The following UBR1 variants were observed in gnomAD, a reference collection of about 807,000 sequenced individuals.
UBR1 encodes the protein E3 ubiquitin-protein ligase UBR1.
A neutral mutation model predicts 242.1 loss-of-function variants in UBR1; 102 were observed. The ratio of observed to expected loss-of-function variants is 0.42; its 90% CI spans 0.36 to 0.50. The LOEUF is 0.50. Ranked by LOEUF, UBR1 falls within the 20% of genes least tolerant of loss-of-function variation. UBR1 has a pLI of 0.01. For missense variants in UBR1, 1,772 were observed against 2,101.8 expected (o/e 0.84, Z 3.07); for synonymous variants, 675 against 684.8 (o/e 0.99, Z 0.22).
At chr15:42,946,433 G>A (rs1387306462) in intron 46 of UBR1, among the ~76,000 whole-genome samples, 1 of 152,070 alleles carries the variant, frequency 6.6e-6, no homozygotes, top group Non-Finnish European at 1.5e-5. Context: ...CCTGGTTGGG[G>A]ATTTTTAAAC....
Position 43,043,158 on chromosome 15 carries a change from T to C in UBR1, c.1849+57A>G, listed in dbSNP as rs1320205436. On this transcript the variant is annotated intron_variant, in intron 15 of 46. Coordinates refer to ENST00000290650, the MANE Select transcript of UBR1 (RefSeq NM_174916.3). The stretch of plus-strand genomic sequence containing the variant: ...CAAAAATAGAAATGATTCTACTAAA[T>C]GAATACCTAGAAAGAAAGCTAATAG... The C allele has an allele frequency of 1.5e-5, 23 of 1,581,906 alleles. No individual in the cohort carries two copies. In the Middle Eastern group the frequency reaches 5.0e-4, roughly 34 times the overall value.
chr15:43,076,713 AC>A (rs1213501668), intron 3 of UBR1, among the ~76,000 whole-genome samples: 1 of 137,706 alleles, frequency 7.3e-6, no homozygotes, highest in African/African-American at 2.8e-5. Context: ...TCCGGCAGCC[AC>A]CCCGTCTGGG....
chr15:43,102,637 C>T (rs1413381434), intron 1 of UBR1, among the ~76,000 whole-genome samples: 5 of 152,158 alleles, frequency 3.3e-5, no homozygotes, highest in Non-Finnish European at 7.3e-5. Context: ...TCTCTTGATT[C>T]CCAATTTTTC....
At chr15:43,043,459 T>C in intron 14 of UBR1, 64 bp from the exon 15 acceptor site, 1 of 1,515,804 alleles carries the variant, frequency 6.6e-7, no homozygotes, top group South Asian at 1.1e-5. Context: ...TTTTGTTTTG[T>C]TTTGAGACAG....
rs550840335 is a variant in UBR1, at chr15:43,007,976, C to A, written c.3210-692G>T. Among the ~76,000 whole-genome samples the A allele has an allele frequency of 2.0e-5, 3 of 152,170 alleles. No homozygotes were observed. The South Asian group carries it at 6.2e-4, about 31-fold the overall frequency. On this transcript the variant is annotated intron_variant, in intron 29 of 46. Transcript: ENST00000290650. ...TTAGAATCTACTCTTACTGACTGGGCAAAACTCAAGATCTACTGAGGCGTA... is the reference window on the plus strand; with the variant it reads ...TTAGAATCTACTCTTACTGACTGGGAAAAACTCAAGATCTACTGAGGCGTA...
intron 27 of UBR1, among the ~76,000 whole-genome samples, chr15:43,019,728 G>A (rs1267719194): frequency 2.7e-5 from 4 of 148,124 alleles, no homozygotes; most frequent in East Asian, 2.0e-4. Context: ...GATTACAGGC[G>A]CCTGCCACCA....
chr15:42,952,206 C>A, intron 45 of UBR1, 72 bp downstream of exon 45: 3 of 1,586,698 alleles, frequency 1.9e-6, no homozygotes, highest in Non-Finnish European at 2.6e-6. Context: ...CACTGTCCCA[C>A]CATAGTGACC....
chr15:43,017,765 G>C (rs1218986952), intron 27 of UBR1, among the ~76,000 whole-genome samples: 1 of 150,558 alleles, frequency 6.6e-6, no homozygotes, highest in Non-Finnish European at 1.5e-5. Flanking sequence ...AGCTGAGATT[G>C]TGCCACTGCA....
chr15:43,065,760 G>T (rs137860855), intron 6 of UBR1, among the ~76,000 whole-genome samples: 1,542 of 152,178 alleles, frequency 0.01, 22 homozygotes, highest in African/African-American at 0.033. Context: ...CTGGCTGCAT[G>T]TATGTCTTCT....
Position 43,025,387 on chromosome 15 carries a change from C to G in UBR1, c.2578G>C (p.Asp860His), listed in dbSNP as rs2141305888. Residue 860 changes from aspartate to histidine, a missense_variant, in exon 24 of 47, where the codon GAT becomes CAT. By Grantham distance (81) the Asp-to-His change is moderately conservative (BLOSUM62 -1). Transcript: ENST00000290650. ...TCAGAATCTCACTTTTTACCTTCAT[C>G]TTTGTTTTCTTGTTTTCTCCTTTTC... is the stretch of plus-strand genomic sequence containing the variant. ...QKKRRKQENK[D>H]EALPPPPPPE... 1 of 1,608,868 alleles carries G rather than the reference C, an allele frequency of 6.2e-7. No homozygotes were observed. Among genetic ancestry groups the G allele is most frequent in the Non-Finnish European group, 8.5e-7 (1 of 1,177,212 alleles).
At chr15:43,040,915 A>T (rs1401644784) in intron 15 of UBR1, among the ~76,000 whole-genome samples, 1 of 152,176 alleles carries the variant, frequency 6.6e-6, no homozygotes, top group Non-Finnish European at 1.5e-5. Flanking sequence ...ACCAGTTAGA[A>T]TGGCGATCAT....
At chr15:43,014,341 G>C (rs957212534) in intron 29 of UBR1, among the ~76,000 whole-genome samples, 31 of 137,582 alleles carry the variant, frequency 2.3e-4, no homozygotes, top group East Asian at 4.9e-4. Flanking sequence ...GCCTGGCCGC[G>C]CATCGTCTGG....
chr15:42,951,513 G>A (rs1037968337), intron 45 of UBR1, among the ~76,000 whole-genome samples: 45 of 152,096 alleles, frequency 3.0e-4, no homozygotes, highest in African/African-American at 1.1e-3. Flanking sequence ...GAGAGCCACC[G>A]CGCCCGGCCA....
chr15:43,084,611 A>G (rs1392497075), intron 2 of UBR1, among the ~76,000 whole-genome samples: 1 of 152,044 alleles, frequency 6.6e-6, no homozygotes, highest in Non-Finnish European at 1.5e-5. Context: ...GCCCACCACC[A>G]TGCCTGGCTA....
intron 33 of UBR1, among the ~76,000 whole-genome samples, chr15:42,994,166 G>A (rs1596090061): frequency 6.6e-6 from 1 of 151,956 alleles, no homozygotes; most frequent in East Asian, 1.9e-4. Flanking sequence ...TTGTATTGTG[G>A]ATAGTATAAG....
At chr15:43,042,229 A>G (rs932175877) in intron 15 of UBR1, among the ~76,000 whole-genome samples, 6 of 152,214 alleles carry the variant, frequency 3.9e-5, no homozygotes, top group African/African-American at 1.4e-4. Flanking sequence ...ATACTTCTAC[A>G]TCCATGTCAT....
intron 19 of UBR1, among the ~76,000 whole-genome samples, chr15:43,033,154 T>A (rs2033279506): frequency 6.6e-6 from 1 of 152,124 alleles, no homozygotes. Flanking sequence ...TTTGGCCAGG[T>A]GCAGTGGCAT....
chr15:43,086,410 G>A (rs1200075121), intron 1 of UBR1, among the ~76,000 whole-genome samples, 170 bp from the exon 2 acceptor site: 1 of 131,014 alleles, frequency 7.6e-6, no homozygotes, highest in East Asian at 2.2e-4. Flanking sequence ...TTGGAAATAA[G>A]CAACTGCTCA....
chr15:43,093,520 C>T (rs921731471), intron 1 of UBR1, among the ~76,000 whole-genome samples: 15 of 152,256 alleles, frequency 9.9e-5, no homozygotes, highest in African/African-American at 3.6e-4. Flanking sequence ...ATGGCTCATG[C>T]CTATAACCCT....
Sources: gnomAD v4.1 joint callset for allele counts (sites outside exome capture counted in the v4.1 genomes callset) on GRCh38, gnomAD v4.1.1 for gene constraint, MANE v1.5 for transcripts, NCBI Gene and HGNC (gene_info 2026-07-23, HGNC 2026-07-21) for gene names.